AJM1: variants seen among roughly 807,000 people sequenced by gnomAD.
The protein encoded by AJM1 is uncharacterized protein C9orf172.
In AJM1, 22 loss-of-function variants were observed where a neutral mutation model predicts 43.0. The observed-to-expected ratio is 0.51, with a 90% CI of 0.37 to 0.73. The LOEUF (loss-of-function observed/expected upper bound fraction) is 0.73, where lower values mean the gene tolerates loss of function less well. AJM1 is among the 30% of genes least tolerant of loss of function. The pLI is 0.00. For synonymous variants in AJM1, 719 were observed against 638.3 expected, an observed-to-expected ratio of 1.13 and a Z score of -1.91; for missense variants, 1,305 against 1,343.3, an observed-to-expected ratio of 0.97 and a Z score of 0.45.
chr9:136,844,479 C>T lies in AJM1; in HGVS notation c.65C>T (p.Thr22Ile). The stretch of plus-strand genomic sequence containing the variant: ...GTGTACCAGGACATCAAGGTGGCGA[C>T]CCCGGGACCCGCGTCCAAGTGCTCG... The part of the protein sequence containing the change: ...STVYQDIKVA[T>I]PGPASKCSPC... Residue 22 changes from threonine (T) to isoleucine (I), a missense_variant, in exon 3 of 3, where the codon ACC (threonine) becomes ATC (isoleucine). Around this residue, in one of 6 missense-constraint regions of AJM1, gnomAD observed 128 missense variants for 120.6 expected, o/e 1.06. Coordinates refer to ENST00000436881, the MANE Select transcript of AJM1 (RefSeq NM_001080482.5). The T allele has an allele frequency of 6.2e-7, 1 of 1,611,286 alleles. No individual in the cohort carries two copies.
At position 136,844,290 on chromosome 9, in the gene AJM1, C is replaced by A; in HGVS notation, c.-60+11C>A. 1.3e-6 allele frequency: 1 copy of A among 791,778 alleles called. No individual in the cohort carries two copies. Among genetic ancestry groups the A allele is most frequent in the Non-Finnish European group, 2.1e-6 (1 of 481,312 alleles). The allele number at this position is 791,778 out of a possible 1,614,324, so 49.0% of individuals were successfully genotyped here. ...CCCGCTGCGCCCCAGGTAAGCCGGG[C>A]CAGCGTGGGGGAGTAGCGGGGCCTG... On this transcript the variant is annotated intron_variant, in intron 2 of 2. Transcript: ENST00000436881.
In AJM1 at chr9:136,845,641, C is replaced by T. The variant is rs1484621355; in HGVS notation, c.1227C>T (p.Tyr409=). The change falls in exon 3 of 3, where the codon TAC becomes TAT. Residue 409 remains tyrosine (Y), a synonymous_variant. Coordinates refer to ENST00000436881, the MANE Select transcript of AJM1 (RefSeq NM_001080482.5). ...PAWADWGPRP[Y]RTLQVVPPSD... ...GGGCGGACTGGGGCCCGCGACCGTA[C>T]CGCACCCTGCAAGTGGTGCCGCCCT... The T allele has an allele frequency of 3.2e-6, 5 of 1,578,236 alleles. No individual in the cohort carries two copies. In the Admixed American group the frequency reaches 5.3e-5, roughly 17 times the overall value.
In AJM1 at chr9:136,845,175, G is replaced by C. The variant is rs1369758770; in HGVS notation, c.761G>C (p.Cys254Ser). 8 of 1,588,138 alleles carry C rather than the reference G, an allele frequency of 5.0e-6. No homozygotes were observed. The South Asian group carries it at 8.9e-5, about 18-fold the overall frequency. The change falls in exon 3 of 3, where the codon TGC becomes TCC. Residue 254 changes from cysteine to serine, a missense_variant. Physicochemically the swap from Cys to Ser is moderately radical, Grantham distance 112. Transcript: ENST00000436881. ...SYCADPRAFY[C>S]DGPLPGPRDY... ...TGTGCGGATCCCCGGGCGTTCTACT[G>C]CGACGGGCCCCTGCCTGGGCCCCGG...
At position 136,846,131 on chromosome 9, in the gene AJM1, C is replaced by T. The variant is rs774993180; in HGVS notation, c.1717C>T (p.Arg573Cys). 9 of 1,529,306 alleles carry T rather than the reference C, an allele frequency of 5.9e-6. No homozygotes were observed. In the South Asian group the frequency reaches 8.4e-5, roughly 14 times the overall value. The allele number at this position is 1,529,306 out of a possible 1,614,324, so 94.7% of individuals were successfully genotyped here. Reference sequence around the variant, plus strand: ...GGCCCCCGACGGCCCCACCTCTGGCCGCCAGCGGAGCCTAGAGCAGCTGGA... The same window carrying T: ...GGCCCCCGACGGCCCCACCTCTGGCTGCCAGCGGAGCCTAGAGCAGCTGGA... Reference protein sequence around the residue: ...HAAPDGPTSGRQRSLEQLDEL... With the variant: ...HAAPDGPTSGCQRSLEQLDEL... Residue 573 changes from arginine to cysteine, a missense_variant, in exon 3 of 3, where the codon CGC becomes TGC. By Grantham distance (180) the Arg-to-Cys change is radical. Coordinates refer to ENST00000436881, the MANE Select transcript of AJM1 (RefSeq NM_001080482.5).
intron 1 of AJM1, among the ~76,000 whole-genome samples, chr9:136,843,875 A>G (rs1244707116): frequency 6.6e-6 from 1 of 152,136 alleles, no homozygotes; most frequent in Non-Finnish European, 1.5e-5. Flanking sequence ...GGGCGCTGTG[A>G]CGGGGGCGCA....
chr9:136,846,239 C>A lies in AJM1; in HGVS notation c.1825C>A (p.Gln609Lys). 1 of 1,453,046 alleles carries A rather than the reference C, an allele frequency of 6.9e-7. No individual in the cohort carries two copies. The highest frequency in any genetic ancestry group is 9.0e-7 in the Non-Finnish European group (1 of 1,106,730). 90.0% of individuals were successfully genotyped at this position (1,453,046 alleles called of 1,614,324 possible). Reference sequence around the variant, plus strand: ...GCCCGCGGCCGACTGCCTGGGCCCCCAACTGCGCCGACTGCTGGACTCGCG... The same window carrying A: ...GCCCGCGGCCGACTGCCTGGGCCCCAAACTGCGCCGACTGCTGGACTCGCG... ...SEPAADCLGP[Q>K]LRRLLDSRPA... The change falls in exon 3 of 3, where the codon CAA becomes AAA. Residue 609 changes from glutamine (Q) to lysine (K), a missense_variant. Gln to Lys is a moderately conservative substitution (Grantham distance 53). Coordinates refer to ENST00000436881, the MANE Select transcript of AJM1 (RefSeq NM_001080482.5).
Position 136,845,073 on chromosome 9 carries a change from C to A in AJM1, c.659C>A (p.Pro220Gln), listed in dbSNP as rs765576610. Residue 220 changes from proline (P) to glutamine (Q), a missense_variant, in exon 3 of 3, where the codon CCG becomes CAG. Transcript: ENST00000436881. ...GCCGCGCACTGGGCCCGCCCCGCCC[C>A]GCAGTTCCACGGCCTCACGGTGCCC... ...TEAAHWARPA[P>Q]QFHGLTVPGP... 8.8e-6 allele frequency: 10 copies of A among 1,141,554 alleles called. No homozygotes were observed. The highest frequency in any genetic ancestry group is 1.3e-5 in the Non-Finnish European group (10 of 782,378). 70.7% of individuals were successfully genotyped at this position (1,141,554 alleles called of 1,614,324 possible). A position where few individuals can be genotyped will look rare whatever the true frequency, so the allele number is the denominator to read the frequency against.
Position 136,845,987 on chromosome 9 carries a change from C to G in AJM1, c.1573C>G (p.Arg525Gly). The change falls in exon 3 of 3, where the codon CGC becomes GGC. Residue 525 changes from arginine to glycine, a missense_variant. By Grantham distance (125) the Arg-to-Gly change is moderately radical. Coordinates refer to ENST00000436881, the MANE Select transcript of AJM1 (RefSeq NM_001080482.5). ...GGGCCGCGCGGGCGAGGGCCTGGGC[C>G]GCAACTGGTACGTGACGCCCGAGAT... ...EKGRAGEGLG[R>G]NWYVTPEITI... The G allele has an allele frequency of 6.4e-7, 1 of 1,553,228 alleles. No homozygotes were observed. Among genetic ancestry groups the G allele is most frequent in the Non-Finnish European group, 8.7e-7 (1 of 1,149,908 alleles).
At position 136,847,613 on chromosome 9, in the gene AJM1, C is replaced by A. The variant is rs1264408370; in HGVS notation, c.*268C>A. On this transcript the variant is annotated 3_prime_UTR_variant, in exon 3 of 3. Transcript: ENST00000436881. ...CCCACCCCCAGCAACCCCTCTCCCT[C>A]CTCCGGGCCTCCTCCCTCTCCCAGC... 9.8e-6 allele frequency: 4 copies of A among 408,766 alleles called. No homozygotes were observed. The highest frequency in any genetic ancestry group is 1.3e-5 in the Non-Finnish European group (3 of 231,254). 25.3% of individuals were successfully genotyped at this position (408,766 alleles called of 1,614,324 possible). A position where few individuals can be genotyped will look rare whatever the true frequency, so the allele number is the denominator to read the frequency against.
chr9:136,845,269 G>A lies in AJM1; in HGVS notation c.855G>A (p.Glu285=), dbSNP rs749466349. The A allele has an allele frequency of 3.7e-6, 6 of 1,607,748 alleles. No homozygotes were observed. Among genetic ancestry groups the A allele is most frequent in the African/African-American group, 1.3e-5 (1 of 74,988 alleles). ...GCCCCACCCAGTTCTTCTATACAGA[G>A]GAGCCCCAAGGCTTCCGGGGCAGCT... ...PPGPTQFFYT[E]EPQGFRGSFA... Residue 285 remains glutamate (E), a synonymous_variant, in exon 3 of 3, where the codon GAG becomes GAA. Transcript: ENST00000436881.
Position 136,844,646 on chromosome 9 carries a change from C to T in AJM1, c.232C>T (p.Pro78Ser), listed in dbSNP as rs557845976. The T allele has an allele frequency of 8.2e-5, 123 of 1,506,360 alleles. 1 individual carries two copies. In the South Asian group the frequency reaches 1.1e-3, roughly 13 times the overall value. The allele number at this position is 1,506,360 out of a possible 1,614,324, so 93.3% of individuals were successfully genotyped here. The stretch of plus-strand genomic sequence containing the variant: ...GCCACCGCCGCCGGAGTCCGCTGTG[C>T]CGCGCGCCCGGACCCGCGAAGCCGA... Reference protein sequence around the residue: ...PEPPPPESAVPRARTREAEPR... With the variant: ...PEPPPPESAVSRARTREAEPR... Residue 78 changes from proline to serine, a missense_variant, in exon 3 of 3, where the codon CCG (proline) becomes TCG (serine). By Grantham distance (74) the Pro-to-Ser change is moderately conservative (BLOSUM62 -1). Around this residue, in one of 6 missense-constraint regions of AJM1, gnomAD observed 128 missense variants for 120.6 expected, o/e 1.06. Transcript: ENST00000436881.
In AJM1 at chr9:136,845,342, T is replaced by A; in HGVS notation, c.928T>A (p.Tyr310Asn). 1 of 1,612,360 alleles carries A rather than the reference T, an allele frequency of 6.2e-7. No individual in the cohort carries two copies. The highest frequency in any genetic ancestry group is 8.5e-7 in the Non-Finnish European group (1 of 1,179,810). Residue 310 changes from tyrosine (Y) to asparagine (N), a missense_variant, in exon 3 of 3, where the codon TAT (tyrosine) becomes AAT (asparagine). Tyr to Asn is a moderately radical substitution (Grantham distance 143, BLOSUM62 -2). Around this residue, in one of 6 missense-constraint regions of AJM1, gnomAD observed 653 missense variants for 549.1 expected, o/e 1.19. Transcript: ENST00000436881. ...PTFDAYYPRP[Y>N]PSEELSGPSP... ...CTTCGACGCCTACTACCCCAGGCCCTATCCGTCCGAGGAGCTCTCGGGGCC... is the reference window on the plus strand; with the variant it reads ...CTTCGACGCCTACTACCCCAGGCCCAATCCGTCCGAGGAGCTCTCGGGGCC...
rs1848747087 is a variant in AJM1, at chr9:136,844,932, C to T, written c.518C>T (p.Pro173Leu). The part of the protein sequence containing the change: ...PLCAAAGRCA[P>L]PEPPAGPAPH... ...TGCGCCGCCGCGGGCCGCTGCGCAC[C>T]GCCCGAGCCACCCGCGGGTCCCGCC... Residue 173 changes from proline (P) to leucine (L), a missense_variant, in exon 3 of 3, where the codon CCG becomes CTG. Pro to Leu is a moderately conservative substitution (Grantham distance 98). Coordinates refer to ENST00000436881, the MANE Select transcript of AJM1 (RefSeq NM_001080482.5). The T allele has an allele frequency of 2.4e-5, 10 of 414,046 alleles. No homozygotes were observed. Among genetic ancestry groups the T allele is most frequent in the Non-Finnish European group, 3.4e-5 (8 of 237,446 alleles). 25.6% of individuals were successfully genotyped at this position (414,046 alleles called of 1,614,324 possible). A position where few individuals can be genotyped will look rare whatever the true frequency, so the allele number is the denominator to read the frequency against.
rs1848762042 is a variant in AJM1, at chr9:136,845,608, C to T, written c.1194C>T (p.Ser398=). 1.3e-6 allele frequency: 2 copies of T among 1,582,564 alleles called. No individual in the cohort carries two copies. The highest frequency in any genetic ancestry group is 1.1e-5 in the South Asian group (1 of 88,260). ...LARTYPHPRS[S]PAWADWGPRP... ...GGACGTACCCGCACCCGCGCAGCAGCCCGGCCTGGGCGGACTGGGGCCCGC... is the reference window on the plus strand; with the variant it reads ...GGACGTACCCGCACCCGCGCAGCAGTCCGGCCTGGGCGGACTGGGGCCCGC... The change falls in exon 3 of 3, where the codon AGC becomes AGT. Residue 398 remains serine, a synonymous_variant. Coordinates refer to ENST00000436881, the MANE Select transcript of AJM1 (RefSeq NM_001080482.5).
rs1848806062 is a variant in AJM1 at position 136,848,042 on chromosome 9, C to T, written c.*697C>T. 1 of 152,308 alleles carries T rather than the reference C, an allele frequency of 6.6e-6. No homozygotes were observed. Among genetic ancestry groups the T allele is most frequent in the Non-Finnish European group, 1.5e-5 (1 of 68,088 alleles). The allele number at this position is 152,308 out of a possible 1,614,324, so 9.4% of individuals were successfully genotyped here. On this transcript the variant is annotated 3_prime_UTR_variant, in exon 3 of 3. Coordinates refer to ENST00000436881, the MANE Select transcript of AJM1 (RefSeq NM_001080482.5). ...GTCGGAGCCAGCACACTAACCACGC[C>T]ACGCGCCCTGCCGTCCCTTCGCCTC...
Position 136,844,267 on chromosome 9 carries a change from C to A in AJM1, c.-72C>A. The A allele has an allele frequency of 1.5e-6, 1 of 687,048 alleles. No homozygotes were observed. The highest frequency in any genetic ancestry group is 1.8e-5 in the South Asian group (1 of 54,206). The allele number at this position is 687,048 out of a possible 1,614,324, so 42.6% of individuals were successfully genotyped here. On this transcript the variant is annotated 5_prime_UTR_variant, in exon 2 of 3. Transcript: ENST00000436881. The stretch of plus-strand genomic sequence containing the variant: ...GGCCCGCAGCCAGGGCTGCTCCGCC[C>A]GCTGCGCCCCAGGTAAGCCGGGCCA...
In AJM1 at chr9:136,845,913, C is replaced by T. The variant is rs1488066260; in HGVS notation, c.1499C>T (p.Pro500Leu). 1 of 1,557,662 alleles carries T rather than the reference C, an allele frequency of 6.4e-7. No homozygotes were observed. The highest frequency in any genetic ancestry group is 8.7e-7 in the Non-Finnish European group (1 of 1,152,118). Residue 500 changes from proline (P) to leucine (L), a missense_variant, in exon 3 of 3, where the codon CCC (proline) becomes CTC (leucine). Physicochemically the swap from Pro to Leu is moderately conservative, Grantham distance 98 (BLOSUM62 -3). Coordinates refer to ENST00000436881, the MANE Select transcript of AJM1 (RefSeq NM_001080482.5). ...GTCGTCGTGAACCTGTCCACCTCTC[C>T]CAGACGCTACGCCGCACTGTCCCTG... ...PPVVVNLSTS[P>L]RRYAALSLSE... is the part of the protein sequence containing the mutation.
Position 136,844,850 on chromosome 9 carries a change from C to T in AJM1, c.436C>T (p.Leu146=). ...GGCGCTCCGCGCCCTTGCCAACGAGCTGCATCCCATCAAGTTGCAGCCGCA... is the reference window on the plus strand; with the variant it reads ...GGCGCTCCGCGCCCTTGCCAACGAGTTGCATCCCATCAAGTTGCAGCCGCA... ...YPALRALANE[L]HPIKLQPQRG... is the part of the protein sequence containing the mutation. Residue 146 remains leucine, a synonymous_variant, in exon 3 of 3, where the codon CTG becomes TTG. Coordinates refer to ENST00000436881, the MANE Select transcript of AJM1 (RefSeq NM_001080482.5). 1 of 238,864 alleles carries T rather than the reference C, an allele frequency of 4.2e-6. No homozygotes were observed. 14.8% of individuals were successfully genotyped at this position (238,864 alleles called of 1,614,324 possible). A position where few individuals can be genotyped will look rare whatever the true frequency, so the allele number is the denominator to read the frequency against.
Position 136,847,299 on chromosome 9 carries a change from C to A in AJM1, c.2885C>A (p.Ala962Glu). Residue 962 changes from alanine (A) to glutamate (E), a missense_variant, in exon 3 of 3, where the codon GCG becomes GAG. Ala to Glu is a moderately radical substitution (Grantham distance 107). Coordinates refer to ENST00000436881, the MANE Select transcript of AJM1 (RefSeq NM_001080482.5). ...CMIMAASEPR[A>E]LDWVASANLL... The stretch of plus-strand genomic sequence containing the variant: ...ATCATGGCCGCCTCCGAGCCGCGCG[C>A]GCTCGACTGGGTGGCCAGCGCCAAC... The A allele has an allele frequency of 1.2e-5, 19 of 1,548,340 alleles. No individual in the cohort carries two copies. Among genetic ancestry groups the A allele is most frequent in the Non-Finnish European group, 1.6e-5 (19 of 1,152,232 alleles).
Sources: allele counts gnomAD v4.1 joint callset (sites outside exome capture counted in the v4.1 genomes callset), GRCh38; gene constraint gnomAD v4.1.1; regional missense constraint gnomAD v4.1.1; transcripts MANE v1.5; gene names NCBI Gene and HGNC (gene_info 2026-07-23, HGNC 2026-07-21).